The following ZFAT variants were observed in gnomAD, a reference collection of about 807,000 sequenced individuals.
ZFAT encodes zinc finger protein ZFAT.
Under a neutral mutation model 117.7 loss-of-function variants are expected in ZFAT, and 64 were observed. The observed-to-expected ratio is 0.54, with a 90% CI of 0.44 to 0.67. The LOEUF (loss-of-function observed/expected upper bound fraction) is 0.67. Among genes scored for constraint, ZFAT ranks in the 30% least tolerant of loss-of-function variants. ZFAT has a pLI of 0.00. For missense variants in ZFAT, 1,433 were observed against 1,584.5 expected, an observed-to-expected ratio of 0.90 and a Z score of 1.62; for synonymous variants, 679 against 615.0, an observed-to-expected ratio of 1.10 and a Z score of -1.54.
the ZFAT span, among the ~76,000 whole-genome samples, chr8:134,786,989 C>T: frequency 6.6e-6 from 1 of 151,966 alleles, no homozygotes; most frequent in Non-Finnish European, 1.5e-5. Flanking sequence ...ACTGGGACTA[C>T]AAGTGCATGC....
chr8:134,822,013 T>C, the ZFAT span, among the ~76,000 whole-genome samples: 1 of 152,188 alleles, frequency 6.6e-6, no homozygotes, highest in Non-Finnish European at 1.5e-5. Context: ...ACATTAAAGA[T>C]AGATACAGCG....
At chr8:134,749,856 T>C in the ZFAT span, among the ~76,000 whole-genome samples, 2 of 152,348 alleles carry the variant, frequency 1.3e-5, no homozygotes, top group South Asian at 2.1e-4. Context: ...CCTCATTTTC[T>C]ATACTCTAGA....
the ZFAT span, chr8:134,765,430 C>G: frequency 6.6e-6 from 1 of 152,146 alleles, no homozygotes; most frequent in Non-Finnish European, 1.5e-5. Flanking sequence ...TGGAAATTAG[C>G]AAACCCTATT....
chr8:134,528,590 AG>A (rs1266747177), intron 12 of ZFAT, among the ~76,000 whole-genome samples: 5 of 152,230 alleles, frequency 3.3e-5, no homozygotes, highest in African/African-American at 1.2e-4. Context: ...AGTAACATAA[AG>A]ATTCTAGCAG....
chr8:134,506,379 A>G (rs1819411553), intron 15 of ZFAT, among the ~76,000 whole-genome samples: 1 of 152,222 alleles, frequency 6.6e-6, no homozygotes, highest in African/African-American at 2.4e-5. Flanking sequence ...CTCGGGCCCC[A>G]TGAATCTATT....
the ZFAT span, among the ~76,000 whole-genome samples, chr8:134,791,586 T>C: frequency 1.3e-5 from 2 of 152,150 alleles, no homozygotes; most frequent in South Asian, 2.1e-4. Flanking sequence ...AGTTATGGGA[T>C]TGTGGTGGTA....
intron 12 of ZFAT, among the ~76,000 whole-genome samples, chr8:134,521,543 C>G (rs1399957563): frequency 6.6e-6 from 1 of 151,854 alleles, no homozygotes; most frequent in East Asian, 1.9e-4. Context: ...CATCCTGAAA[C>G]GTCATTATTT....
At chr8:134,677,577 T>C (rs1260340454) in intron 1 of ZFAT, among the ~76,000 whole-genome samples, 1 of 152,096 alleles carries the variant, frequency 6.6e-6, no homozygotes, top group Non-Finnish European at 1.5e-5. Context: ...GAGGGAATCC[T>C]CCCTAACTCA....
chr8:134,612,608 G>T (rs1294435912), intron 3 of ZFAT, among the ~76,000 whole-genome samples: 1 of 152,238 alleles, frequency 6.6e-6, no homozygotes, highest in Non-Finnish European at 1.5e-5. Context: ...CCACAATCCA[G>T]GTGCTTGGAC....
chr8:134,566,716 C>T (rs190622513), intron 10 of ZFAT, among the ~76,000 whole-genome samples: 39 of 152,286 alleles, frequency 2.6e-4, no homozygotes, highest in African/African-American at 9.1e-4. Flanking sequence ...AGATATTCCC[C>T]CTCCCCTCTA....
intron 11 of ZFAT, among the ~76,000 whole-genome samples, chr8:134,548,667 A>G (rs1315298600): frequency 2.0e-5 from 3 of 152,200 alleles, no homozygotes; most frequent in Non-Finnish European, 4.4e-5. Context: ...AAATAGGAGG[A>G]GAGGGACTTC....
intron 11 of ZFAT, among the ~76,000 whole-genome samples, chr8:134,553,652 G>C (rs1823354506): frequency 6.6e-6 from 1 of 152,180 alleles, no homozygotes; most frequent in Non-Finnish European, 1.5e-5. Context: ...TGTAGAGTCA[G>C]GACAGTCCTG....
intron 15 of ZFAT, among the ~76,000 whole-genome samples, chr8:134,487,660 G>T (rs551740695): frequency 6.6e-6 from 1 of 152,034 alleles, no homozygotes; most frequent in African/African-American, 2.4e-5. Context: ...ATGCCCTCTC[G>T]CCTCTGAACT....
chr8:134,734,762 G>A, the ZFAT span, among the ~76,000 whole-genome samples: 2 of 152,366 alleles, frequency 1.3e-5, no homozygotes, highest in East Asian at 1.9e-4. Context: ...AGGTGCTCGG[G>A]AGCAGGGAGT....
intron 7 of ZFAT, among the ~76,000 whole-genome samples, chr8:134,590,749 C>A (rs1826435186): frequency 6.6e-6 from 1 of 151,236 alleles, no homozygotes; most frequent in Non-Finnish European, 1.5e-5. Context: ...CCACCACCAG[C>A]ACTATCAACA....
At chr8:134,545,952 T>G (rs373899989) in intron 11 of ZFAT, among the ~76,000 whole-genome samples, 2 of 152,202 alleles carry the variant, frequency 1.3e-5, no homozygotes, top group Non-Finnish European at 2.9e-5. Context: ...AATGGGTAAA[T>G]AGGCAACAGA....
chr8:134,830,812 T>C, the ZFAT span, among the ~76,000 whole-genome samples: 3,952 of 152,340 alleles, frequency 0.026, 162 homozygotes, highest in African/African-American at 0.09. Flanking sequence ...CAAATATATA[T>C]ATTTTTAAAG....
chr8:134,615,546 A>G (rs1158395936), intron 3 of ZFAT, among the ~76,000 whole-genome samples: 1 of 152,086 alleles, frequency 6.6e-6, no homozygotes, highest in Non-Finnish European at 1.5e-5. Flanking sequence ...CCCACTAACA[A>G]GCCCTTGGCA....
chr8:134,672,868 A>T (rs76134691), intron 1 of ZFAT, among the ~76,000 whole-genome samples: 2,040 of 152,366 alleles, frequency 0.013, 52 homozygotes, highest in African/African-American at 0.045. Flanking sequence ...ATAACCTAAT[A>T]GAATGGATAA....
Sources: gnomAD v4.1 joint callset for allele counts (sites outside exome capture counted in the v4.1 genomes callset) on GRCh38, gnomAD v4.1.1 for gene constraint, MANE v1.5 for transcripts, NCBI Gene and HGNC (gene_info 2026-07-23, HGNC 2026-07-21) for gene names.